EYS: variants seen among roughly 807,000 people sequenced by gnomAD.
EYS encodes the protein EGF-like photoreceptor maintenance factor, also known as protein eyes shut homolog.
A neutral mutation model predicts 282.1 loss-of-function variants in EYS; 250 were observed. The observed-to-expected ratio is 0.89, with a 90% CI of 0.80 to 0.98. EYS has a LOEUF of 0.98. Among genes scored for constraint, EYS ranks in the 50% least tolerant of loss-of-function variants. The pLI, the probability that EYS is intolerant of heterozygous loss-of-function variation, is 0.00. For synonymous variants in EYS, 1,355 were observed against 1,282.9 expected, an observed-to-expected ratio of 1.06 and a Z score of -1.20; for missense variants, 4,016 against 3,709.0, an observed-to-expected ratio of 1.08 and a Z score of -2.15.
intron 13 of EYS, among the ~76,000 whole-genome samples, chr6:65,048,992 A>G (rs528868633): frequency 1.3e-5 from 2 of 151,968 alleles, no homozygotes; most frequent in South Asian, 4.1e-4. Flanking sequence ...GTGCCTTGTC[A>G]CAAAAAGAAA....
intron 12 of EYS, among the ~76,000 whole-genome samples, chr6:65,152,779 CAT>C (rs1764642663): frequency 6.6e-6 from 1 of 151,216 alleles, no homozygotes; most frequent in Non-Finnish European, 1.5e-5. Flanking sequence ...ATATATGAAT[CAT>C]AGATAAAACA....
intron 1 of EYS, among the ~76,000 whole-genome samples, chr6:65,672,221 TG>T (rs1354542103): frequency 6.6e-6 from 1 of 152,050 alleles, no homozygotes; most frequent in South Asian, 2.1e-4. Flanking sequence ...CCTGAAAAAC[TG>T]GTTGTTTACT....
At chr6:65,547,943 A>G (rs568983255) in intron 2 of EYS, among the ~76,000 whole-genome samples, 2 of 152,174 alleles carry the variant, frequency 1.3e-5, no homozygotes, top group African/African-American at 4.8e-5. Flanking sequence ...ACAAGGCTAG[A>G]TAGACTCTCC....
At chr6:64,571,941 C>T (rs952456440) in intron 26 of EYS, among the ~76,000 whole-genome samples, 1 of 152,214 alleles carries the variant, frequency 6.6e-6, no homozygotes, top group African/African-American at 2.4e-5. Flanking sequence ...CCAGCATCAT[C>T]CTGATATCAA....
intron 2 of EYS, among the ~76,000 whole-genome samples, chr6:65,564,437 T>C (rs567021777): frequency 6.6e-6 from 1 of 152,092 alleles, no homozygotes; most frequent in Non-Finnish European, 1.5e-5. Context: ...TACAGAGCAA[T>C]GGAACAGAAC....
At chr6:64,773,348 A>G (rs1446693067) in intron 22 of EYS, among the ~76,000 whole-genome samples, 1 of 151,798 alleles carries the variant, frequency 6.6e-6, no homozygotes, top group Non-Finnish European at 1.5e-5. Flanking sequence ...TCCATGGTAT[A>G]TATGTACATT....
intron 29 of EYS, among the ~76,000 whole-genome samples, chr6:64,332,408 T>C (rs1347518242): frequency 6.6e-6 from 1 of 152,162 alleles, no homozygotes; most frequent in East Asian, 1.9e-4. Context: ...ACAGATGCAG[T>C]ATATCCCTTC....
chr6:65,420,662 A>G (rs982577894), intron 5 of EYS, among the ~76,000 whole-genome samples: 1 of 151,960 alleles, frequency 6.6e-6, no homozygotes, highest in Non-Finnish European at 1.5e-5. Context: ...TAGATCCATC[A>G]GAGGAATCAC....
At chr6:64,234,576 C>A (rs1161090455) in intron 30 of EYS, among the ~76,000 whole-genome samples, 2 of 151,966 alleles carry the variant, frequency 1.3e-5, no homozygotes, top group African/African-American at 4.8e-5. Flanking sequence ...ACATAGTGTA[C>A]CCATTTAAAC....
chr6:63,839,938 G>T (rs777359624), intron 36 of EYS, among the ~76,000 whole-genome samples: 18 of 151,608 alleles, frequency 1.2e-4, no homozygotes, highest in Non-Finnish European at 2.2e-4. Context: ...TTGTGGTTTT[G>T]GTTTGCATTT....
At chr6:65,168,263 G>A (rs890514286) in intron 12 of EYS, among the ~76,000 whole-genome samples, 15 of 151,334 alleles carry the variant, frequency 9.9e-5, no homozygotes, top group African/African-American at 3.6e-4. Flanking sequence ...TAGCAGTCCA[G>A]TACCACCAAA....
intron 31 of EYS, among the ~76,000 whole-genome samples, chr6:64,219,622 A>G (rs560924735): frequency 6.6e-6 from 1 of 152,270 alleles, no homozygotes; most frequent in South Asian, 2.1e-4. Flanking sequence ...GACTTCCACA[A>G]TGGTTGAACT....
chr6:64,371,938 A>G (rs1294365441), intron 29 of EYS, among the ~76,000 whole-genome samples: 2 of 152,076 alleles, frequency 1.3e-5, no homozygotes, highest in Non-Finnish European at 2.9e-5. Context: ...CTGAAGACAG[A>G]ATAACATTGG....
intron 24 of EYS, among the ~76,000 whole-genome samples, chr6:64,607,247 TTGTTA>T (rs1376962394): frequency 6.6e-6 from 1 of 151,932 alleles, no homozygotes; most frequent in Non-Finnish European, 1.5e-5. Flanking sequence ...ACAGTTCCAT[TTGTTA>T]TCATGTAAGA....
At chr6:64,790,429 A>G (rs1395493164) in intron 22 of EYS, among the ~76,000 whole-genome samples, 1 of 151,942 alleles carries the variant, frequency 6.6e-6, no homozygotes, top group Non-Finnish European at 1.5e-5. Context: ...AGTTAGTTCA[A>G]TCATAAGACA....
chr6:65,090,956 A>T (rs1000881284), intron 12 of EYS, among the ~76,000 whole-genome samples: 16 of 152,150 alleles, frequency 1.1e-4, no homozygotes, highest in Non-Finnish European at 1.9e-4. Context: ...TTTATTTGTT[A>T]TTAATAAAAC....
intron 41 of EYS, among the ~76,000 whole-genome samples, chr6:63,747,767 C>T (rs557976386): frequency 1.3e-5 from 2 of 151,744 alleles, no homozygotes; most frequent in Admixed American, 6.6e-5. Context: ...ACTAGGATTG[C>T]AACCTCTGCT....
intron 15 of EYS, among the ~76,000 whole-genome samples, chr6:64,918,066 G>T (rs1435112397): frequency 1.3e-5 from 2 of 151,556 alleles, no homozygotes; most frequent in Non-Finnish European, 2.9e-5. Flanking sequence ...TACACCCTTA[G>T]GTGTACATAC....
intron 4 of EYS, 50 bp from the exon 5 acceptor site, chr6:65,490,757 C>G (rs758215823): frequency 1.1e-6 from 1 of 943,854 alleles, no homozygotes; most frequent in Non-Finnish European, 1.7e-6. Flanking sequence ...AATATTATAA[C>G]CATCAGTTTT....
Sources: gnomAD v4.1 joint callset for allele counts (sites outside exome capture counted in the v4.1 genomes callset) on GRCh38, gnomAD v4.1.1 for gene constraint, MANE v1.5 for transcripts, NCBI Gene and HGNC (gene_info 2026-07-23, HGNC 2026-07-21) for gene names.